The following ACOT11 variants were observed in gnomAD, a reference collection of about 807,000 sequenced individuals.
The protein encoded by ACOT11 is acyl-CoA thioesterase 11.
ACOT11 carries 69 observed loss-of-function variants against 77.5 expected under a neutral mutation model. The observed-to-expected ratio is 0.89, with a 90% confidence interval of 0.73 to 1.09. The LOEUF is 1.09. Among genes scored for constraint, ACOT11 ranks in the 50% least tolerant of loss-of-function variants. ACOT11 has a pLI of 0.00. For synonymous variants in ACOT11, 279 were observed against 313.0 expected (o/e 0.89, Z 1.15); for missense variants, 766 against 813.7 (o/e 0.94, Z 0.71).
At chr1:54,571,061 TTC>T (rs556109250) in intron 1 of ACOT11, among the ~76,000 whole-genome samples, 4 of 149,402 alleles carry the variant, frequency 2.7e-5, no homozygotes, top group Admixed American at 6.6e-5. Flanking sequence ...AATTATGATA[TTC>T]TCTCTCTCTT....
At chr1:54,578,417 C>T (rs1654189537) in intron 1 of ACOT11, among the ~76,000 whole-genome samples, 1 of 152,206 alleles carries the variant, frequency 6.6e-6, no homozygotes, top group African/African-American at 2.4e-5. Flanking sequence ...CATCACACTA[C>T]TTGACTGACT....
intron 1 of ACOT11, among the ~76,000 whole-genome samples, chr1:54,569,721 C>T (rs1216097752): frequency 1.3e-5 from 2 of 152,154 alleles, no homozygotes; most frequent in Non-Finnish European, 2.9e-5. Flanking sequence ...GCTGTTTTCC[C>T]ATAAACAACT....
chr1:54,566,147 C>A (rs1653722613), intron 1 of ACOT11, among the ~76,000 whole-genome samples: 1 of 152,124 alleles, frequency 6.6e-6, no homozygotes, highest in Non-Finnish European at 1.5e-5. Flanking sequence ...TCCTCCTCCC[C>A]ACGTGACTTC....
intron 1 of ACOT11, among the ~76,000 whole-genome samples, chr1:54,561,726 AG>A (rs1653497381): frequency 1.3e-5 from 1 of 74,100 alleles, no homozygotes; most frequent in Non-Finnish European, 2.6e-5. Flanking sequence ...CTGGCCGGGC[AG>A]GGGGGCTGAC....
chr1:54,613,893 GGGTTTGAATCTTT>G (rs1398052019), downstream of ACOT11, among the ~76,000 whole-genome samples: 5 of 152,290 alleles, frequency 3.3e-5, no homozygotes, highest in Non-Finnish European at 4.4e-5. Flanking sequence ...AGAAAGGCCT[GGGTTTGAATCTTT>G]GCTCTGCCAC....
exon 17 of ACOT11, chr1:54,638,087 G>A (rs1300148346): frequency 6.6e-6 from 1 of 151,992 alleles, no homozygotes; most frequent in East Asian, 1.9e-4. Flanking sequence ...ATCCTAAAGT[G>A]CTGGGATTGC....
At position 54,609,464 on chromosome 1, in the gene ACOT11, G is replaced by A. The variant is rs1026394905; in HGVS notation, c.*352G>A. The A allele has an allele frequency of 5.0e-6, 8 of 1,613,514 alleles. No homozygotes were observed. Among genetic ancestry groups the A allele is most frequent in the Non-Finnish European group, 6.8e-6 (8 of 1,180,024 alleles). The stretch of plus-strand genomic sequence containing the variant: ...CAGCAGCCTGCCTATGGCTCCAGCT[G>A]TGCTGTGGCCCAGCAGCATGGCCTG... On this transcript the variant is annotated 3_prime_UTR_variant, in exon 16 of 16. Transcript: ENST00000343744.
At chr1:54,570,427 G>A (rs1287268575) in intron 1 of ACOT11, among the ~76,000 whole-genome samples, 1 of 152,224 alleles carries the variant, frequency 6.6e-6, no homozygotes, top group African/African-American at 2.4e-5. Context: ...GCTCTGCAAA[G>A]GCCATCTGGC....
intron 1 of ACOT11, among the ~76,000 whole-genome samples, chr1:54,575,713 C>CT (rs1654090360): frequency 6.6e-6 from 1 of 152,198 alleles, no homozygotes. Flanking sequence ...TTAATTGAAC[C>CT]TTGTCACAAT....
In ACOT11 at chr1:54,548,623, G is replaced by A. The variant is rs557932618; in HGVS notation, c.33+281G>A. 2.7e-4 allele frequency: 145 copies of A among 546,858 alleles called. 1 individual carries two copies. Among genetic ancestry groups the A allele is most frequent in the African/African-American group, 2.5e-3 (130 of 52,546 alleles). 33.9% of individuals were successfully genotyped at this position (546,858 alleles called of 1,614,324 possible). A position where few individuals can be genotyped will look rare whatever the true frequency, so the allele number is the denominator to read the frequency against. On this transcript the variant is annotated intron_variant, in intron 1 of 15. Coordinates refer to ENST00000343744, the MANE Select transcript of ACOT11 (RefSeq NM_147161.4). ...TCGGCCTCTGGAATTCTATTCGGTGGGTGTATGTTTCTCCCTGCAGAGTTC... is the reference window on the plus strand; with the variant it reads ...TCGGCCTCTGGAATTCTATTCGGTGAGTGTATGTTTCTCCCTGCAGAGTTC...
chr1:54,623,570 C>T (rs1644252159), intron 15 of ACOT11: 1 of 600,002 alleles, frequency 1.7e-6, no homozygotes, highest in African/African-American at 1.8e-5. Context: ...TGAAGCCCCT[C>T]CTCCCTCCCC....
intron 4 of ACOT11, among the ~76,000 whole-genome samples, chr1:54,593,547 G>A (rs910974363): frequency 1.4e-5 from 2 of 142,514 alleles, no homozygotes; most frequent in African/African-American, 2.6e-5. Flanking sequence ...TGATCCTCCC[G>A]CTGCAGCCTC....
At chr1:54,623,188 A>AG (rs71581822) in intron 15 of ACOT11, 2 of 796,398 alleles carry the variant, frequency 2.5e-6, no homozygotes, top group South Asian at 1.7e-5. Flanking sequence ...AAAAAAAAAA[A>AG]GGGACTGGTC....
intron 1 of ACOT11, among the ~76,000 whole-genome samples, chr1:54,557,397 A>T (rs1405218242): frequency 1.3e-5 from 2 of 151,308 alleles, no homozygotes; most frequent in Non-Finnish European, 2.9e-5. Flanking sequence ...ATCTCAAAAA[A>T]AAAAAAAAAA....
chr1:54,608,261 C>T (rs1644056183), intron 15 of ACOT11, among the ~76,000 whole-genome samples, 193 bp downstream of exon 15: 1 of 152,114 alleles, frequency 6.6e-6, no homozygotes, highest in South Asian at 2.1e-4. Flanking sequence ...AGTCAGAGGC[C>T]ACTGCATGGT....
intron 11 of ACOT11, 37 bp from the exon 12 acceptor site, chr1:54,604,309 G>A (rs1371184600): frequency 1.3e-6 from 2 of 1,595,580 alleles, no homozygotes; most frequent in Admixed American, 1.7e-5. Flanking sequence ...CTGAAGGAAG[G>A]GGGTGGGGTA....
At chr1:54,630,207 G>A (rs1193655562) in intron 15 of ACOT11, among the ~76,000 whole-genome samples, 1 of 103,954 alleles carries the variant, frequency 9.6e-6, no homozygotes, top group Non-Finnish European at 2.2e-5. Flanking sequence ...CCTGTTTAAT[G>A]TTTAAAGAAA....
intron 1 of ACOT11, among the ~76,000 whole-genome samples, chr1:54,583,360 A>T (rs12411250): frequency 0.2 from 30,991 of 152,032 alleles, 4,811 homozygotes; most frequent in African/African-American, 0.43. Flanking sequence ...GCCACCTCGG[A>T]GTGCTTGAAA....
At chr1:54,615,834 C>A (rs746888538) in intron 15 of ACOT11, among the ~76,000 whole-genome samples, 14 of 152,348 alleles carry the variant, frequency 9.2e-5, no homozygotes, top group Non-Finnish European at 1.8e-4. Flanking sequence ...AGGACCTGCA[C>A]TGACATGCTC....
Sources: allele counts gnomAD v4.1 joint callset (sites outside exome capture counted in the v4.1 genomes callset), GRCh38; gene constraint gnomAD v4.1.1; transcripts MANE v1.5; gene names NCBI Gene and HGNC (gene_info 2026-07-23, HGNC 2026-07-21).